The following RTTN variants were observed in gnomAD, a reference collection of about 807,000 sequenced individuals.
RTTN encodes the protein rotatin.
Under a neutral mutation model 269.2 loss-of-function variants are expected in RTTN, and 182 were observed. The ratio of observed to expected loss-of-function variants is 0.68; its 90% CI spans 0.60 to 0.76. The LOEUF is 0.76. RTTN is among the 30% of genes least tolerant of loss of function. The pLI is 0.00. For synonymous variants in RTTN, 1,006 were observed against 963.5 expected (o/e 1.04, Z -0.82); for missense variants, 2,545 against 2,608.6 (o/e 0.98, Z 0.53).
intron 35 of RTTN, among the ~76,000 whole-genome samples, chr18:70,062,621 T>G (rs983197023): frequency 1.1e-4 from 4 of 36,752 alleles, no homozygotes; most frequent in Non-Finnish European, 1.8e-4. Flanking sequence ...TTTTTTTTTT[T>G]TTTTTTCGTT....
Position 70,006,365 on chromosome 18 carries a change from G to A in RTTN, c.6525+16C>T, listed in dbSNP as rs2056187206. ...TTGTTTGCTCCCCAGGTGTAACAAT[G>A]ATTTTTAAAACTGACCTTCTGATAA... On this transcript the variant is annotated intron_variant, in intron 47 of 48. Coordinates refer to ENST00000640769, the MANE Select transcript of RTTN (RefSeq NM_173630.4). The A allele has an allele frequency of 6.3e-7, 1 of 1,591,220 alleles. No homozygotes were observed. The highest frequency in any genetic ancestry group is 1.7e-5 in the Admixed American group (1 of 59,996).
chr18:70,166,511 A>G (rs2060990472), intron 13 of RTTN: 1 of 213,460 alleles, frequency 4.7e-6, no homozygotes, highest in South Asian at 1.5e-4. Flanking sequence ...ATGTCCTCAA[A>G]ATAAATTAAC....
chr18:70,174,758 C>T (rs914981095), intron 11 of RTTN, among the ~76,000 whole-genome samples: 2 of 150,710 alleles, frequency 1.3e-5, no homozygotes, highest in Non-Finnish European at 3.0e-5. Flanking sequence ...CAGTGGCTCA[C>T]GCGAGTACTC....
intron 14 of RTTN, among the ~76,000 whole-genome samples, chr18:70,156,679 G>A (rs534524532): frequency 1.2e-3 from 190 of 152,154 alleles, no homozygotes; most frequent in Non-Finnish European, 2.2e-3. Flanking sequence ...TCCCCCGGAC[G>A]CCCAGCTTTA....
At chr18:70,157,243 C>A (rs1448362621) in intron 14 of RTTN, among the ~76,000 whole-genome samples, 1 of 152,150 alleles carries the variant, frequency 6.6e-6, no homozygotes, top group East Asian at 1.9e-4. Flanking sequence ...AGTCTGGGAA[C>A]ATCTCGGCTC....
intron 43 of RTTN, 72 bp from the exon 44 acceptor site, chr18:70,024,920 A>C: frequency 2.0e-6 from 3 of 1,513,922 alleles, no homozygotes; most frequent in Non-Finnish European, 2.7e-6. Flanking sequence ...CAAAACAACA[A>C]CAGAAAGCCA....
intron 13 of RTTN, chr18:70,166,670 T>C (rs1355890952): frequency 2.9e-6 from 1 of 343,844 alleles, no homozygotes; most frequent in Non-Finnish European, 5.2e-6. Flanking sequence ...AAAACAAATG[T>C]ATAAAAATCC....
At chr18:70,092,425 A>C (rs191538596) in intron 29 of RTTN, among the ~76,000 whole-genome samples, 1 of 152,168 alleles carries the variant, frequency 6.6e-6, no homozygotes, top group Non-Finnish European at 1.5e-5. Context: ...GACAGAAGCT[A>C]TTTTTCCCAT....
chr18:70,085,477 T>A (rs1224837651), intron 32 of RTTN, among the ~76,000 whole-genome samples: 2 of 152,126 alleles, frequency 1.3e-5, no homozygotes, highest in Non-Finnish European at 2.9e-5. Context: ...TTTCACTAAC[T>A]CCTCTAAGAG....
At position 70,123,186 on chromosome 18, in the gene RTTN, T is replaced by G. The variant is rs569937571; in HGVS notation, c.3384-1486A>C. Among the ~76,000 whole-genome samples, 40 of 152,140 alleles carry G rather than the reference T, an allele frequency of 2.6e-4. 1 individual carries two copies. The highest frequency in any genetic ancestry group is 4.7e-4 in the Non-Finnish European group (32 of 67,982). On this transcript the variant is annotated intron_variant, in intron 25 of 48. Coordinates refer to ENST00000640769, the MANE Select transcript of RTTN (RefSeq NM_173630.4). Reference sequence around the variant, plus strand: ...TTCTGTCACATAACATGCACCAAACTATATTCCATTTATTTGTTTTATTTT... The same window carrying G: ...TTCTGTCACATAACATGCACCAAACGATATTCCATTTATTTGTTTTATTTT...
intron 43 of RTTN, 26 bp from the exon 44 acceptor site, chr18:70,024,874 C>G (rs778779357): frequency 6.2e-7 from 1 of 1,609,074 alleles, no homozygotes; most frequent in Non-Finnish European, 8.5e-7. Context: ...AAAAAGACAG[C>G]ATTAGTCTGA....
intron 5 of RTTN, 28 bp downstream of exon 5, chr18:70,199,386 A>G (rs1439450021): frequency 4.7e-6 from 7 of 1,490,198 alleles, no homozygotes; most frequent in Non-Finnish European, 6.5e-6. Flanking sequence ...GTGAACAAAA[A>G]TACCTGAAAA....
rs2061001799 is a variant in RTTN at position 70,166,908 on chromosome 18, G to T, written c.1802+11C>A. 4 of 1,579,654 alleles carry T rather than the reference G, an allele frequency of 2.5e-6. No homozygotes were observed. The highest frequency in any genetic ancestry group is 2.2e-5 in the South Asian group (2 of 89,820). ...ATAATAACGTAATCACATTAAGAAA[G>T]AAAATATTACATCTTTGAACAAATG... On this transcript the variant is annotated intron_variant, in intron 13 of 48. Transcript: ENST00000640769.
At chr18:70,063,302 G>C (rs2058042729) in intron 35 of RTTN, among the ~76,000 whole-genome samples, 1 of 152,170 alleles carries the variant, frequency 6.6e-6, no homozygotes, top group Admixed American at 6.5e-5. Context: ...AAATAAAAAA[G>C]TATCTTCGGG....
chr18:70,172,753 T>G (rs765482210), intron 11 of RTTN, among the ~76,000 whole-genome samples: 87 of 151,982 alleles, frequency 5.7e-4, no homozygotes, highest in Non-Finnish European at 1.6e-4. Flanking sequence ...AATAAATTAC[T>G]GATTTCTTTT....
chr18:70,004,662 T>C (rs1186331430), intron 48 of RTTN, among the ~76,000 whole-genome samples: 4 of 151,832 alleles, frequency 2.6e-5, no homozygotes, highest in African/African-American at 9.7e-5. Flanking sequence ...CCAACAGATA[T>C]ATTACAGTAC....
chr18:70,059,822 T>C (rs747573774), intron 36 of RTTN, 28 bp downstream of exon 36: 3 of 1,436,090 alleles, frequency 2.1e-6, no homozygotes, highest in South Asian at 3.0e-5. Context: ...TCAACTAACA[T>C]GCCTCTCTAG....
At chr18:70,012,019 C>G (rs12961821) in intron 46 of RTTN, among the ~76,000 whole-genome samples, 5,194 of 28,762 alleles carry the variant, frequency 0.18, 264 homozygotes, top group East Asian at 0.44. Flanking sequence ...GTATTGGTTA[C>G]AGGGCAGCGT....
At chr18:70,057,956 G>A in intron 36 of RTTN, 124 bp from the exon 37 acceptor site, 1 of 574,508 alleles carries the variant, frequency 1.7e-6, no homozygotes, top group Non-Finnish European at 2.9e-6. Context: ...ATCTTTATAA[G>A]CAAAGAAAAT....
Sources: allele counts gnomAD v4.1 joint callset (sites outside exome capture counted in the v4.1 genomes callset), GRCh38; gene constraint gnomAD v4.1.1; transcripts MANE v1.5; gene names NCBI Gene and HGNC (gene_info 2026-07-23, HGNC 2026-07-21).